MOK: variants seen among roughly 807,000 people sequenced by gnomAD.
MOK encodes the protein MAPK/MAK/MRK overlapping kinase.
A neutral mutation model predicts 54.2 loss-of-function variants in MOK; 59 were observed. That is an observed-to-expected ratio of 1.09 (90% CI 0.88 to 1.35). MOK has a LOEUF of 1.35. Among genes scored for constraint, MOK ranks in the 40% most tolerant of loss-of-function variants. MOK has a pLI of 0.00. For synonymous variants in MOK, 210 were observed against 202.7 expected (o/e 1.04, Z -0.31); for missense variants, 517 against 526.2 (o/e 0.98, Z 0.17).
At chr14:102,294,273 C>A (rs902358914) in intron 1 of MOK, among the ~76,000 whole-genome samples, 1 of 151,878 alleles carries the variant, frequency 6.6e-6, no homozygotes, top group East Asian at 1.9e-4. Flanking sequence ...GGTGAAACCC[C>A]GTCTCTACTA....
rs1420108544 is a variant in MOK, at chr14:102,277,978, AG to A, written c.122+5499del. 3.9e-5 allele frequency among the ~76,000 whole-genome samples: 6 copies of A among 152,298 alleles called. No homozygotes were observed. In the East Asian group the frequency reaches 9.7e-4, roughly 25 times the overall value. ...GATATGAGGAGGTGGGGCTTTTGAGAGGTAATTAGAGCACATGGCATTAGTG... is the reference window on the plus strand; with the variant it reads ...GATATGAGGAGGTGGGGCTTTTGAGAGTAATTAGAGCACATGGCATTAGTG... On this transcript the variant is annotated intron_variant, in intron 2 of 11. Coordinates refer to ENST00000361847, the MANE Select transcript of MOK (RefSeq NM_014226.3).
chr14:102,244,725 C>A (rs979074390), intron 7 of MOK, among the ~76,000 whole-genome samples: 1 of 152,212 alleles, frequency 6.6e-6, no homozygotes, highest in Admixed American at 6.5e-5. Context: ...CCACCGTGGT[C>A]ATTTCTTCCC....
chr14:102,266,010 A>G (rs2067876212), intron 2 of MOK, 98 bp from the exon 3 acceptor site: 1 of 880,322 alleles, frequency 1.1e-6, no homozygotes, highest in Non-Finnish European at 1.8e-6. Flanking sequence ...AAAACTCACA[A>G]ATATTTCAAG....
intron 2 of MOK, among the ~76,000 whole-genome samples, chr14:102,278,884 G>A (rs74082266): frequency 0.018 from 2,744 of 152,268 alleles, 93 homozygotes; most frequent in African/African-American, 0.063. Flanking sequence ...TATCTGTTAT[G>A]GAAAAACTGA....
chr14:102,256,275 A>G (rs1166668330), intron 4 of MOK, among the ~76,000 whole-genome samples: 1 of 150,834 alleles, frequency 6.6e-6, no homozygotes. Context: ...TTTTTTTTTA[A>G]TTTTTTGGGC....
At chr14:102,248,231 G>A (rs963507347) in intron 7 of MOK, among the ~76,000 whole-genome samples, 8 of 152,008 alleles carry the variant, frequency 5.3e-5, no homozygotes, top group African/African-American at 1.2e-4. Flanking sequence ...ACCCTTCTCC[G>A]TGCGGTTCAC....
chr14:102,252,903 A>G (rs905003176), intron 4 of MOK, among the ~76,000 whole-genome samples: 2 of 152,252 alleles, frequency 1.3e-5, no homozygotes, highest in African/African-American at 4.8e-5. Flanking sequence ...AGAGGTTAAA[A>G]TAGAAGAGAT....
At chr14:102,226,479 C>T, downstream of MOK, 1 of 700,962 alleles carries the variant, frequency 1.4e-6, no homozygotes. This position sits in a 1 kb window ranked among gnomAD's most constrained non-coding sequence, Gnocchi z 4.8. Context: ...AGCCAGGGTT[C>T]ACGAGCTTTC....
intron 2 of MOK, among the ~76,000 whole-genome samples, chr14:102,277,649 C>T (rs953100023): frequency 4.6e-5 from 7 of 150,716 alleles, no homozygotes; most frequent in African/African-American, 1.7e-4. Flanking sequence ...AACTACTGAA[C>T]AACAGTAATG....
At chr14:102,263,810 A>G (rs1597430131) in intron 3 of MOK, 194 bp from the exon 4 acceptor site, 2 of 429,178 alleles carry the variant, frequency 4.7e-6, no homozygotes, top group East Asian at 7.5e-5. Flanking sequence ...TAAAAATACT[A>G]GCAAAACCCA....
At chr14:102,218,000 C>T in the MOK span, among the ~76,000 whole-genome samples, 9,714 of 152,256 alleles carry the variant, frequency 0.064, 336 homozygotes, top group Non-Finnish European at 0.073. Context: ...CTCTGGGGGA[C>T]GCCAGTGGAG....
At chr14:102,279,438 C>T (rs1352737421) in intron 2 of MOK, among the ~76,000 whole-genome samples, 1 of 152,066 alleles carries the variant, frequency 6.6e-6, no homozygotes, top group Non-Finnish European at 1.5e-5. Flanking sequence ...GTAGCTAGGA[C>T]TACAGGCACC....
intron 4 of MOK, among the ~76,000 whole-genome samples, chr14:102,257,885 G>A (rs759533180): frequency 6.6e-6 from 1 of 151,714 alleles, no homozygotes; most frequent in Non-Finnish European, 1.5e-5. Flanking sequence ...CCTGAGGCAG[G>A]AGAATTGCTT....
chr14:102,253,550 G>C (rs1157826569), intron 4 of MOK, among the ~76,000 whole-genome samples: 1 of 152,242 alleles, frequency 6.6e-6, no homozygotes, highest in African/African-American at 2.4e-5. Flanking sequence ...ACTGCTTTCA[G>C]TCACAGTCCA....
chr14:102,232,757 C>T lies in MOK; in HGVS notation c.693-49G>A. 1.3e-6 allele frequency: 2 copies of T among 1,536,646 alleles called. No homozygotes were observed. Among genetic ancestry groups the T allele is most frequent in the Non-Finnish European group, 8.9e-7 (1 of 1,122,572 alleles). ...TAAATGGTCATGCTGTCACTGAGCG[C>T]ACCGGTGGTCCACTGTCACAACTAA... On this transcript the variant is annotated intron_variant, in intron 8 of 11. Coordinates refer to ENST00000361847, the MANE Select transcript of MOK (RefSeq NM_014226.3). The surrounding 1 kb of genome is among the most constrained non-coding windows in gnomAD (Gnocchi z 5.1).
In MOK at chr14:102,299,428, T is replaced by G. The variant is rs556350791; in HGVS notation, c.7+5534A>C. On this transcript the variant is annotated intron_variant, in intron 1 of 11. Transcript: ENST00000361847. ...TACTCGGGAGGCTGATGCATGAGAA[T>G]TGCTTGAACCCTGGAGGCAGAGGTT... 2.6e-5 allele frequency among the ~76,000 whole-genome samples: 4 copies of G among 152,040 alleles called. No homozygotes were observed. The East Asian group carries it at 5.8e-4, about 22-fold the overall frequency.
At chr14:102,274,256 T>C (rs79197511) in intron 2 of MOK, among the ~76,000 whole-genome samples, 2 of 77,548 alleles carry the variant, frequency 2.6e-5, no homozygotes, top group Admixed American at 2.4e-4. Context: ...CGTACCTGCA[T>C]TTTTTTTTTT....
chr14:102,274,699 G>T (rs1471076562), intron 2 of MOK, among the ~76,000 whole-genome samples: 2 of 151,598 alleles, frequency 1.3e-5, no homozygotes, highest in Non-Finnish European at 2.9e-5. Context: ...AAGAGGCCGG[G>T]CACGGTAACT....
rs372878008 is a variant in MOK at position 102,283,640 on chromosome 14, C to T, written c.8-48G>A. ...AAATAAAATGTTATTTATGCATACACTTGTATTCACTTCCAGACAGCAAAC... is the reference window on the plus strand; with the variant it reads ...AAATAAAATGTTATTTATGCATACATTTGTATTCACTTCCAGACAGCAAAC... On this transcript the variant is annotated intron_variant, in intron 1 of 11. Transcript: ENST00000361847. 3.0e-4 allele frequency: 344 copies of T among 1,160,286 alleles called. 1 individual carries two copies. The Middle Eastern group carries it at 7.8e-3, about 26-fold the overall frequency. The allele number at this position is 1,160,286 out of a possible 1,614,324, so 71.9% of individuals were successfully genotyped here.
Sources: allele counts gnomAD v4.1 joint callset (sites outside exome capture counted in the v4.1 genomes callset), GRCh38; gene constraint gnomAD v4.1.1; non-coding constraint Gnocchi (gnomAD v3.1); transcripts MANE v1.5; gene names NCBI Gene and HGNC (gene_info 2026-07-23, HGNC 2026-07-21).